Variants in LRRC4C observed in about 807,000 individuals in gnomAD.
LRRC4C encodes the protein leucine-rich repeat-containing protein 4C.
LRRC4C carries 5 observed loss-of-function variants against 33.6 expected under a neutral mutation model. The observed-to-expected ratio is 0.15, with a 90% CI of 0.08 to 0.31. The LOEUF (loss-of-function observed/expected upper bound fraction) is 0.31, where lower values mean the gene tolerates loss of function less well. LRRC4C is among the 10% of genes least tolerant of loss of function. The probability of loss-of-function intolerance (pLI) is 1.00; values close to 1 mark genes in which losing one functional copy is unlikely to be tolerated. For synonymous variants in LRRC4C, 329 were observed against 302.0 expected (o/e 1.09, Z -0.93); for missense variants, 560 against 796.7 (o/e 0.70, Z 3.58).
At chr11:40,260,745 C>T (rs1867644158) in intron 4 of LRRC4C, among the ~76,000 whole-genome samples, 1 of 152,002 alleles carries the variant, frequency 6.6e-6, no homozygotes, top group Non-Finnish European at 1.5e-5. Context: ...GAGTCAGCAA[C>T]CTTTGACATT....
intron 2 of LRRC4C, among the ~76,000 whole-genome samples, chr11:40,653,583 A>T (rs547925554): frequency 6.6e-6 from 1 of 152,302 alleles, no homozygotes; most frequent in South Asian, 2.1e-4. Flanking sequence ...ATTCAGTTTT[A>T]TGCATTCACA....
intron 3 of LRRC4C, among the ~76,000 whole-genome samples, chr11:40,398,331 G>GA (rs983355993): frequency 4.0e-5 from 6 of 151,896 alleles, no homozygotes; most frequent in African/African-American, 9.7e-5. Context: ...ATCATAAGCT[G>GA]AAAAATGTTA....
At chr11:41,004,004 C>T (rs114376240) in intron 1 of LRRC4C, among the ~76,000 whole-genome samples, 99 of 151,360 alleles carry the variant, frequency 6.5e-4, no homozygotes, top group Non-Finnish European at 1.1e-3. Context: ...GTGTCAAGGA[C>T]AAAGAGAAGA....
intron 1 of LRRC4C, among the ~76,000 whole-genome samples, chr11:41,262,898 G>T (rs1263728462): frequency 6.6e-6 from 1 of 152,092 alleles, no homozygotes; most frequent in Non-Finnish European, 1.5e-5. Context: ...CGGGGAGAAT[G>T]CTGCCTAATA....
At chr11:41,404,376 T>A (rs1011484960) in intron 1 of LRRC4C, among the ~76,000 whole-genome samples, 2 of 151,978 alleles carry the variant, frequency 1.3e-5, no homozygotes, top group Non-Finnish European at 2.9e-5. Flanking sequence ...CAGATGGGAC[T>A]AATTTTTCAA....
intron 4 of LRRC4C, among the ~76,000 whole-genome samples, chr11:40,273,102 C>T (rs1942830715): frequency 6.6e-6 from 1 of 152,100 alleles, no homozygotes; most frequent in Non-Finnish European, 1.5e-5. Context: ...TTTAAATACA[C>T]TTTAAGCTTT....
At chr11:41,252,588 G>C (rs1240697558) in intron 1 of LRRC4C, among the ~76,000 whole-genome samples, 1 of 152,082 alleles carries the variant, frequency 6.6e-6, no homozygotes. Flanking sequence ...CTCTGTTTTT[G>C]TAATACTATT....
chr11:40,904,291 A>G (rs1251731143), intron 2 of LRRC4C, among the ~76,000 whole-genome samples: 2 of 152,220 alleles, frequency 1.3e-5, no homozygotes, highest in Admixed American at 6.5e-5. Flanking sequence ...CGTAGGTCAC[A>G]CATAGAAGGC....
intron 1 of LRRC4C, among the ~76,000 whole-genome samples, chr11:41,161,851 T>G (rs972168643): frequency 6.6e-6 from 1 of 152,204 alleles, no homozygotes; most frequent in Non-Finnish European, 1.5e-5. Context: ...CAGGACTACC[T>G]GAGTTCTAGA....
chr11:41,417,213 C>T (rs1446146321), intron 1 of LRRC4C, among the ~76,000 whole-genome samples: 3 of 151,862 alleles, frequency 2.0e-5, no homozygotes, highest in Non-Finnish European at 4.4e-5. Flanking sequence ...CACTTAATGC[C>T]CGGAAATAGG....
intron 3 of LRRC4C, among the ~76,000 whole-genome samples, chr11:40,590,628 G>C (rs1433729812): frequency 2.0e-5 from 3 of 151,474 alleles, no homozygotes; most frequent in Non-Finnish European, 3.0e-5. Flanking sequence ...TTTGGTCTTT[G>C]ATGATGGTGA....
intron 3 of LRRC4C, among the ~76,000 whole-genome samples, chr11:40,486,155 A>T (rs760662079): frequency 8.6e-4 from 70 of 81,164 alleles, no homozygotes; most frequent in Non-Finnish European, 1.5e-3. Context: ...ACAAAAGTTT[A>T]AAAAAAAAAA....
intron 2 of LRRC4C, among the ~76,000 whole-genome samples, chr11:40,866,201 G>T (rs1179055617): frequency 6.7e-6 from 1 of 148,716 alleles, no homozygotes; most frequent in African/African-American, 2.5e-5. Flanking sequence ...AAGAAATGTG[G>T]TCTTTATCTT....
chr11:41,166,193 A>G (rs1450504798), intron 1 of LRRC4C, among the ~76,000 whole-genome samples: 2 of 152,200 alleles, frequency 1.3e-5, no homozygotes, highest in Non-Finnish European at 2.9e-5. Context: ...TAAATTGCAT[A>G]TTAAGTTTTC....
chr11:41,430,304 A>G (rs987904164), intron 1 of LRRC4C, among the ~76,000 whole-genome samples: 1 of 152,312 alleles, frequency 6.6e-6, no homozygotes, highest in East Asian at 1.9e-4. Flanking sequence ...GTCAGCTATT[A>G]TAGCCATTTT....
chr11:40,300,932 G>A (rs913518609), intron 4 of LRRC4C, among the ~76,000 whole-genome samples: 4 of 152,172 alleles, frequency 2.6e-5, no homozygotes, highest in Non-Finnish European at 5.9e-5. Context: ...CTCCAGAAGA[G>A]CTAGGACAGG....
At chr11:40,738,452 A>G (rs1456874157) in intron 2 of LRRC4C, among the ~76,000 whole-genome samples, 2 of 152,134 alleles carry the variant, frequency 1.3e-5, no homozygotes, top group African/African-American at 4.8e-5. Flanking sequence ...GTCTCTCTAG[A>G]GGACTCTGAC....
chr11:40,415,320 C>T (rs1210266617), intron 3 of LRRC4C, among the ~76,000 whole-genome samples: 1 of 152,140 alleles, frequency 6.6e-6, no homozygotes, highest in African/African-American at 2.4e-5. Flanking sequence ...TCTCTCATTG[C>T]TATCTTGATA....
At chr11:40,462,985 T>A (rs2138202846) in intron 3 of LRRC4C, among the ~76,000 whole-genome samples, 1 of 147,126 alleles carries the variant, frequency 6.8e-6, no homozygotes, top group East Asian at 2.1e-4. Flanking sequence ...TCATCCGTAA[T>A]ATGAAGTGTC....
Sources: gnomAD v4.1 joint callset for allele counts (sites outside exome capture counted in the v4.1 genomes callset) on GRCh38, gnomAD v4.1.1 for gene constraint, MANE v1.5 for transcripts, NCBI Gene and HGNC (gene_info 2026-07-23, HGNC 2026-07-21) for gene names.